Variants in FAM83F observed in about 807,000 individuals in gnomAD.
FAM83F encodes protein FAM83F.
Under a neutral mutation model 42.9 loss-of-function variants are expected in FAM83F, and 45 were observed. That is an observed-to-expected ratio of 1.05 (90% CI 0.83 to 1.35). The LOEUF is 1.35. Ranked by LOEUF, FAM83F falls within the 40% of genes most tolerant of loss-of-function variation. The probability of loss-of-function intolerance (pLI) is 0.00; values close to 1 mark genes in which losing one functional copy is unlikely to be tolerated. For missense variants in FAM83F, 617 were observed against 695.9 expected (o/e 0.89, Z 1.28); for synonymous variants, 306 against 298.3 (o/e 1.03, Z -0.27).
chr22:40,015,265 G>C (rs2067487323), intron 1 of FAM83F, among the ~76,000 whole-genome samples: 1 of 152,182 alleles, frequency 6.6e-6, no homozygotes, highest in African/African-American at 2.4e-5. Context: ...CCTGCCCAGG[G>C]CAAGTCAGTC....
rs779971762 is a variant in FAM83F at position 40,021,981 on chromosome 22, T to C, written c.1453+18T>C. On this transcript the variant is annotated intron_variant, in intron 4 of 4. Transcript: ENST00000333407. This position sits in a 1 kb window ranked among gnomAD's most constrained non-coding sequence, Gnocchi z 8.7. ...CATCTCAGGTGAGCCCTCTTCCCTC[T>C]GGCCTGGTGCCTCCCCAGGCCTCTG... is the stretch of plus-strand genomic sequence containing the variant. 23 of 1,522,428 alleles carry C rather than the reference T, an allele frequency of 1.5e-5. No homozygotes were observed. Among genetic ancestry groups the C allele is most frequent in the Non-Finnish European group, 2.0e-5 (23 of 1,136,946 alleles). The allele number at this position is 1,522,428 out of a possible 1,614,324, so 94.3% of individuals were successfully genotyped here.
Position 39,995,919 on chromosome 22 carries a change from T to C in FAM83F, c.489+388T>C, listed in dbSNP as rs1401575311. 3.3e-5 allele frequency among the ~76,000 whole-genome samples: 5 copies of C among 152,184 alleles called. No homozygotes were observed. Among genetic ancestry groups the C allele is most frequent in the Non-Finnish European group, 5.9e-5 (4 of 68,026 alleles). On this transcript the variant is annotated intron_variant, in intron 1 of 4. Transcript: ENST00000333407. The surrounding 1 kb of genome is among the most constrained non-coding windows in gnomAD (Gnocchi z 4.6). ...CTGCCCAGAACATATCCCGAGCCGC[T>C]TTCTCATGTGATCGTCAAAACAACT...
At chr22:40,002,651 C>T (rs1158005396) in intron 1 of FAM83F, among the ~76,000 whole-genome samples, 4 of 152,114 alleles carry the variant, frequency 2.6e-5, no homozygotes, top group African/African-American at 7.2e-5. Flanking sequence ...CACTGGGTGA[C>T]GTGGGGTACA....
Position 40,029,564 on chromosome 22 carries a change from G to T in FAM83F, c.1502G>T (p.Ter501LeuextTer54). 1 of 1,611,828 alleles carries T rather than the reference G, an allele frequency of 6.2e-7. No individual in the cohort carries two copies. The highest frequency in any genetic ancestry group is 8.5e-7 in the Non-Finnish European group (1 of 1,178,992). ...AAGCCTAGCAACTGTGTGATTTCCT[G>T]AGCTGCGGGATGGTGGTGGGCAGGA... ...SAKPSNCVIS* is the reference protein window; with the variant it reads ...SAKPSNCVISL The change falls in exon 5 of 5, where the codon TGA (stop) becomes TTA (leucine). Residue 501 changes from the stop codon to leucine, a stop_lost. Coordinates refer to ENST00000333407, the MANE Select transcript of FAM83F (RefSeq NM_138435.4).
Position 40,029,617 on chromosome 22 carries a change from G to T in FAM83F, c.*52G>T. Reference sequence around the variant, plus strand: ...TGTGGATGCCTGCCTGCCCTGCCCTGTGCTGTGGAGAGCGCAGGTCGCACA... The same window carrying T: ...TGTGGATGCCTGCCTGCCCTGCCCTTTGCTGTGGAGAGCGCAGGTCGCACA... On this transcript the variant is annotated 3_prime_UTR_variant, in exon 5 of 5. Transcript: ENST00000333407. The T allele has an allele frequency of 1.3e-6, 2 of 1,592,790 alleles. No homozygotes were observed.
intron 1 of FAM83F, among the ~76,000 whole-genome samples, chr22:40,012,664 G>C (rs984431452): frequency 6.6e-6 from 1 of 151,402 alleles, no homozygotes; most frequent in Non-Finnish European, 1.5e-5. Context: ...CAGCTACTCG[G>C]GAGGCTGAGG....
Position 39,995,490 on chromosome 22 carries a change from C to A in FAM83F, c.448C>A (p.Leu150Ile). 1 of 1,578,934 alleles carries A rather than the reference C, an allele frequency of 6.3e-7. No individual in the cohort carries two copies. Among genetic ancestry groups the A allele is most frequent in the Non-Finnish European group, 8.6e-7 (1 of 1,162,006 alleles). ...GCCCAAGGACGAGAAGGCGCCGCAC[C>A]TCAAGCAGGTGGTCAGGCAGATGAT... Reference protein sequence around the residue: ...HPPKDEKAPHLKQVVRQMIQQ... With the variant: ...HPPKDEKAPHIKQVVRQMIQQ... The change falls in exon 1 of 5, where the codon CTC becomes ATC. Residue 150 changes from leucine to isoleucine, a missense_variant. By Grantham distance (5) the Leu-to-Ile change is conservative. Coordinates refer to ENST00000333407, the MANE Select transcript of FAM83F (RefSeq NM_138435.4). The surrounding 1 kb of genome is among the most constrained non-coding windows in gnomAD (Gnocchi z 4.6).
intron 1 of FAM83F, among the ~76,000 whole-genome samples, chr22:40,010,820 C>T (rs1021744019): frequency 6.6e-6 from 1 of 152,210 alleles, no homozygotes; most frequent in Non-Finnish European, 1.5e-5. Flanking sequence ...CTGGAAACTG[C>T]ATTGCTGGTG....
At chr22:40,028,295 T>C (rs1376556424) in intron 4 of FAM83F, among the ~76,000 whole-genome samples, 1 of 152,214 alleles carries the variant, frequency 6.6e-6, no homozygotes, top group Non-Finnish European at 1.5e-5. Flanking sequence ...AGCAGCAGCC[T>C]GTGTGGCAGG....
intron 1 of FAM83F, among the ~76,000 whole-genome samples, chr22:40,016,120 A>G (rs1223833087): frequency 6.6e-6 from 1 of 152,234 alleles, no homozygotes; most frequent in Non-Finnish European, 1.5e-5. Flanking sequence ...GGGGGGGACA[A>G]CCAAAGCCAT....
rs2067593553 is a variant in FAM83F at position 40,032,364 on chromosome 22, C to T, written c.*2799C>T. 1 of 152,240 alleles carries T rather than the reference C, an allele frequency of 6.6e-6. No homozygotes were observed. The highest frequency in any genetic ancestry group is 2.4e-5 in the African/African-American group (1 of 41,448). 9.4% of individuals were successfully genotyped at this position (152,240 alleles called of 1,614,324 possible). The stretch of plus-strand genomic sequence containing the variant: ...TCTGGATGGATCTGGGAGCCTGCCC[C>T]TTGGGATTTGGCAAAACTTCCCATC... On this transcript the variant is annotated 3_prime_UTR_variant, in exon 5 of 5. Transcript: ENST00000333407.
intron 2 of FAM83F, 73 bp downstream of exon 2, chr22:40,019,408 C>T: frequency 7.1e-7 from 1 of 1,413,628 alleles, no homozygotes; most frequent in Non-Finnish European, 9.8e-7. Context: ...TCCTGCAGCT[C>T]CCCCCTGCCT....
chr22:40,004,371 C>T (rs1482117318), intron 1 of FAM83F, among the ~76,000 whole-genome samples: 3 of 150,856 alleles, frequency 2.0e-5, no homozygotes, highest in South Asian at 2.1e-4. Context: ...ACTCTTATCT[C>T]GGCTCACTGC....
chr22:39,997,107 T>C (rs2067376281), intron 1 of FAM83F, among the ~76,000 whole-genome samples: 1 of 152,252 alleles, frequency 6.6e-6, no homozygotes. Flanking sequence ...ATTCAGAAGT[T>C]TCTTGCCAGA....
intron 1 of FAM83F, among the ~76,000 whole-genome samples, chr22:40,014,866 C>A (rs2145716647): frequency 6.6e-6 from 1 of 152,314 alleles, no homozygotes; most frequent in East Asian, 1.9e-4. Flanking sequence ...TAACCTTGGA[C>A]ATAGGACTTT....
rs759059352 is a variant in FAM83F, at chr22:39,995,279, C to G, written c.237C>G (p.Pro79=). The G allele has an allele frequency of 2.0e-6, 3 of 1,535,994 alleles. No individual in the cohort carries two copies. The highest frequency in any genetic ancestry group is 4.9e-5 in the East Asian group (2 of 40,844). Residue 79 remains proline (P), a synonymous_variant, in exon 1 of 5, where the codon CCC becomes CCG. Transcript: ENST00000333407. This position sits in a 1 kb window ranked among gnomAD's most constrained non-coding sequence, Gnocchi z 4.6. The part of the protein sequence containing the change: ...AAWSPYEDAV[P]AANARGKSKA... ...GGAGCCCCTACGAGGACGCCGTCCC[C>G]GCCGCCAACGCCCGGGGCAAGAGCA...
chr22:40,003,632 A>G (rs2067412903), intron 1 of FAM83F, among the ~76,000 whole-genome samples: 1 of 151,926 alleles, frequency 6.6e-6, no homozygotes, highest in Non-Finnish European at 1.5e-5. Flanking sequence ...GCCAGGTGCC[A>G]TGACCAGCCG....
intron 3 of FAM83F, among the ~76,000 whole-genome samples, 193 bp downstream of exon 3, chr22:40,020,201 C>G (rs1466543686): frequency 6.6e-6 from 1 of 152,114 alleles, no homozygotes; most frequent in Non-Finnish European, 1.5e-5. Context: ...AAAAGAGGGT[C>G]AACTCTTCCT....
rs541564497 is a variant in FAM83F at position 40,029,768 on chromosome 22, G to T, written c.*203G>T. Reference sequence around the variant, plus strand: ...CTCAGTCACACGCCTCCACCGGACTGTCGGTGGCTGGGCAGGGGTCAGTGC... The same window carrying T: ...CTCAGTCACACGCCTCCACCGGACTTTCGGTGGCTGGGCAGGGGTCAGTGC... On this transcript the variant is annotated 3_prime_UTR_variant, in exon 5 of 5. Coordinates refer to ENST00000333407, the MANE Select transcript of FAM83F (RefSeq NM_138435.4). The T allele has an allele frequency of 2.4e-5, 17 of 699,720 alleles. No homozygotes were observed. The African/African-American group carries it at 2.9e-4, about 12-fold the overall frequency. 43.3% of individuals were successfully genotyped at this position (699,720 alleles called of 1,614,324 possible).
Sources: allele counts gnomAD v4.1 joint callset (sites outside exome capture counted in the v4.1 genomes callset), GRCh38; gene constraint gnomAD v4.1.1; non-coding constraint Gnocchi (gnomAD v3.1); transcripts MANE v1.5; gene names NCBI Gene and HGNC (gene_info 2026-07-23, HGNC 2026-07-21).